Variants in ICA1 observed in about 807,000 individuals in gnomAD.
ICA1 encodes islet cell autoantigen 1, also known as 69 kDa islet cell autoantigen.
A neutral mutation model predicts 71.0 loss-of-function variants in ICA1; 40 were observed. That is an observed-to-expected ratio of 0.56 (90% CI 0.44 to 0.73). The LOEUF (loss-of-function observed/expected upper bound fraction) is 0.73, where lower values mean the gene tolerates loss of function less well. ICA1 is among the 30% of genes least tolerant of loss of function. The pLI is 0.00. For synonymous variants in ICA1, 207 were observed against 209.5 expected (o/e 0.99, Z 0.10); for missense variants, 578 against 576.5 (o/e 1.00, Z -0.03).
intron 8 of ICA1, among the ~76,000 whole-genome samples, chr7:8,146,779 G>A (rs898236145): frequency 4.7e-5 from 7 of 147,974 alleles, no homozygotes; most frequent in African/African-American, 1.7e-4. Flanking sequence ...TATATGTGCA[G>A]CCAGGAGGAA....
At position 8,221,376 on chromosome 7, in the gene ICA1, T is replaced by C; in HGVS notation, c.279A>G (p.Glu93=). Residue 93 remains glutamate, a synonymous_variant, in exon 5 of 14, where the codon GAA becomes GAG. Coordinates refer to ENST00000402384, the MANE Select transcript of ICA1 (RefSeq NM_001136020.3). ...CTTGGGATCGAAGAAATTTTCCCAG[T>C]TCGTTTTCTTCTTGAGACAAGACTG... ...RICFLSQEEN[E]LGKFLRSQGF... The C allele has an allele frequency of 6.2e-7, 1 of 1,613,590 alleles. No individual in the cohort carries two copies. Among genetic ancestry groups the C allele is most frequent in the Non-Finnish European group, 8.5e-7 (1 of 1,179,592 alleles).
At chr7:8,163,175 C>T (rs950879955) in intron 6 of ICA1, among the ~76,000 whole-genome samples, 1 of 152,184 alleles carries the variant, frequency 6.6e-6, no homozygotes, top group Non-Finnish European at 1.5e-5. Flanking sequence ...AACATCAGAG[C>T]CCTTCTCTGT....
At chr7:8,252,580 T>C (rs1017128008) in intron 1 of ICA1, among the ~76,000 whole-genome samples, 1 of 152,074 alleles carries the variant, frequency 6.6e-6, no homozygotes, top group Non-Finnish European at 1.5e-5. Context: ...GAGCTCTAAA[T>C]GTAAAATTCA....
intron 3 of ICA1, among the ~76,000 whole-genome samples, chr7:8,229,679 A>C (rs531060610): frequency 6.6e-6 from 1 of 152,252 alleles, no homozygotes; most frequent in South Asian, 2.1e-4. Flanking sequence ...TAAATTAATA[A>C]AAACAGATGC....
intron 6 of ICA1, among the ~76,000 whole-genome samples, chr7:8,198,479 T>C (rs1788446167): frequency 1.3e-5 from 2 of 152,198 alleles, no homozygotes; most frequent in Non-Finnish European, 2.9e-5. Context: ...CCTGTGGCCT[T>C]GGCAGTTACT....
intron 6 of ICA1, among the ~76,000 whole-genome samples, chr7:8,200,234 T>C (rs918377295): frequency 2.8e-5 from 4 of 141,930 alleles, no homozygotes; most frequent in Non-Finnish European, 4.5e-5. Flanking sequence ...AAAAAGTACA[T>C]CAACTGAACA....
chr7:8,197,827 G>A (rs1475631173), intron 6 of ICA1, among the ~76,000 whole-genome samples: 1 of 152,024 alleles, frequency 6.6e-6, no homozygotes, highest in African/African-American at 2.4e-5. Context: ...TCTGGCAATG[G>A]AAAAAACCTA....
intron 6 of ICA1, among the ~76,000 whole-genome samples, chr7:8,208,467 G>C (rs1244338413): frequency 6.6e-6 from 1 of 152,178 alleles, no homozygotes; most frequent in Non-Finnish European, 1.5e-5. Flanking sequence ...CTTTAAACGA[G>C]TGTGCTGGGC....
chr7:8,144,653 C>T lies in ICA1; in HGVS notation c.805-681G>A, dbSNP rs950888303. On this transcript the variant is annotated intron_variant, in intron 8 of 13. Coordinates refer to ENST00000402384, the MANE Select transcript of ICA1 (RefSeq NM_001136020.3). This position sits in a 1 kb window ranked among gnomAD's most constrained non-coding sequence, Gnocchi z 4.5. ...AAATATTTAAGTTTTTTTTTTTAAACAGCAAGTGCCTAGAAACTGTATACC... is the reference window on the plus strand; with the variant it reads ...AAATATTTAAGTTTTTTTTTTTAAATAGCAAGTGCCTAGAAACTGTATACC... Among the ~76,000 whole-genome samples the T allele has an allele frequency of 6.7e-6, 1 of 149,726 alleles. No homozygotes were observed. The highest frequency in any genetic ancestry group is 6.6e-5 in the Admixed American group (1 of 15,046).
intron 6 of ICA1, among the ~76,000 whole-genome samples, chr7:8,170,232 TC>T (rs964482055): frequency 7.9e-5 from 12 of 152,176 alleles, no homozygotes; most frequent in African/African-American, 2.6e-4. Context: ...TACCACACTG[TC>T]TCGATTACTG....
intron 1 of ICA1, among the ~76,000 whole-genome samples, chr7:8,237,623 T>C (rs1802264475): frequency 1.3e-5 from 2 of 152,130 alleles, no homozygotes; most frequent in African/African-American, 4.8e-5. Context: ...CAGCAACCAC[T>C]ATTCTAGTTT....
intron 3 of ICA1, among the ~76,000 whole-genome samples, chr7:8,230,663 G>C (rs1004190930): frequency 6.6e-6 from 1 of 152,076 alleles, no homozygotes; most frequent in African/African-American, 2.4e-5. Context: ...GTATTTACTA[G>C]GTTCTTAAGA....
intron 1 of ICA1, among the ~76,000 whole-genome samples, chr7:8,254,712 G>A (rs960450052): frequency 1.3e-5 from 2 of 151,818 alleles, no homozygotes; most frequent in African/African-American, 4.8e-5. Context: ...AAGGTACTGA[G>A]TTCCAGGTTA....
chr7:8,145,466 A>T (rs1245624414), intron 8 of ICA1, among the ~76,000 whole-genome samples: 1 of 152,122 alleles, frequency 6.6e-6, no homozygotes, highest in African/African-American at 2.4e-5. Context: ...GTCCAGATCA[A>T]TTACCAGCAT....
At chr7:8,244,111 G>A (rs1216826895) in intron 1 of ICA1, among the ~76,000 whole-genome samples, 1 of 152,016 alleles carries the variant, frequency 6.6e-6, no homozygotes, top group Non-Finnish European at 1.5e-5. Flanking sequence ...GACAATCCTG[G>A]GCAAGAAGAA....
At chr7:8,220,911 T>G (rs1210782347) in intron 5 of ICA1, among the ~76,000 whole-genome samples, 1 of 151,808 alleles carries the variant, frequency 6.6e-6, no homozygotes, top group Non-Finnish European at 1.5e-5. Flanking sequence ...TTCAACCTGG[T>G]CTCATTAGGC....
At chr7:8,140,555 T>A (rs1406050855) in intron 10 of ICA1, among the ~76,000 whole-genome samples, 1 of 152,234 alleles carries the variant, frequency 6.6e-6, no homozygotes, top group African/African-American at 2.4e-5. Context: ...TTGGTAATGA[T>A]TAGATTACCA....
chr7:8,166,891 A>G (rs1806190904), intron 6 of ICA1, among the ~76,000 whole-genome samples: 1 of 3,562 alleles, frequency 2.8e-4, no homozygotes, highest in Non-Finnish European at 3.8e-4. Flanking sequence ...AATGCTCAAC[A>G]TCACTAATCA....
At position 8,218,376 on chromosome 7, in the gene ICA1, G is replaced by A. The variant is rs200206180; in HGVS notation, c.508C>T (p.Leu170=). 2 of 1,613,984 alleles carry A rather than the reference G, an allele frequency of 1.2e-6. No homozygotes were observed. The highest frequency in any genetic ancestry group is 1.7e-5 in the Admixed American group (1 of 60,002). Residue 170 remains leucine, a synonymous_variant, in exon 6 of 14, where the codon CTA becomes TTA. Transcript: ENST00000402384. ...EQCRTEYRGA[L]LWMKDVSQEL... is the part of the protein sequence containing the mutation. Reference sequence around the variant, plus strand: ...TGAGACACGTCCTTCATCCATAATAGTGCTCCTCTATATTCCGTCCTGCAC... The same window carrying A: ...TGAGACACGTCCTTCATCCATAATAATGCTCCTCTATATTCCGTCCTGCAC...
Sources: allele counts gnomAD v4.1 joint callset (sites outside exome capture counted in the v4.1 genomes callset), GRCh38; gene constraint gnomAD v4.1.1; non-coding constraint Gnocchi (gnomAD v3.1); transcripts MANE v1.5; gene names NCBI Gene and HGNC (gene_info 2026-07-23, HGNC 2026-07-21).